The following HOXD11 variants were observed in gnomAD, a reference collection of about 807,000 sequenced individuals.
HOXD11 encodes the protein homeobox protein Hox-D11.
A neutral mutation model predicts 23.1 loss-of-function variants in HOXD11; 16 were observed. That is an observed-to-expected ratio of 0.69 (90% confidence interval 0.47 to 1.05). The LOEUF is 1.05. HOXD11 is among the 50% of genes least tolerant of loss of function. HOXD11 has a pLI of 0.00. For missense variants in HOXD11, 564 were observed against 495.6 expected (o/e 1.14, Z -1.31); for synonymous variants, 262 against 224.4 (o/e 1.17, Z -1.50).
chr2:176,109,163 A>AC lies in HOXD11; in HGVS notation c.*25dup. On this transcript the variant is annotated 3_prime_UTR_variant, in exon 2 of 2. Transcript: ENST00000249504. ...TTTGAGAGCTCCAGGAAGCGCCCTC[A>AC]CCCCAGCCCCACTCACCCACCCTCC... is the stretch of plus-strand genomic sequence containing the variant. 6.7e-7 allele frequency: 1 copy of AC among 1,494,970 alleles called. No individual in the cohort carries two copies. Among genetic ancestry groups the AC allele is most frequent in the Admixed American group, 1.7e-5 (1 of 59,528 alleles). The allele number at this position is 1,494,970 out of a possible 1,614,324, so 92.6% of individuals were successfully genotyped here. A position where few individuals can be genotyped will look rare whatever the true frequency, so the allele number is the denominator to read the frequency against.
In HOXD11 at chr2:176,108,989, C is replaced by G. The variant is rs747958190; in HGVS notation, c.864C>G (p.Asn288Lys). 6.2e-7 allele frequency: 1 copy of G among 1,613,992 alleles called. No homozygotes were observed. The highest frequency in any genetic ancestry group is 8.5e-7 in the Non-Finnish European group (1 of 1,179,868). The change falls in exon 2 of 2, where the codon AAC (asparagine) becomes AAG (lysine). Residue 288 changes from asparagine (N) to lysine (K), a missense_variant. Physicochemically the swap from Asn to Lys is moderately conservative, Grantham distance 94. Coordinates refer to ENST00000249504, the MANE Select transcript of HOXD11 (RefSeq NM_021192.3). ...IRELEREFFF[N>K]VYINKEKRLQ... ...AACTGGAACGCGAGTTTTTCTTTAA[C>G]GTGTACATAAACAAAGAGAAAAGAC...
intron 1 of HOXD11, 149 bp from the exon 2 acceptor site, chr2:176,108,758 C>T: frequency 1.6e-6 from 1 of 613,736 alleles, no homozygotes. Flanking sequence ...TATATCATCC[C>T]CCACGACGCA....
Position 176,108,115 on chromosome 2 carries a change from G to A in HOXD11, c.760G>A (p.Ala254Thr). 1 of 1,436,858 alleles carries A rather than the reference G, an allele frequency of 7.0e-7. No individual in the cohort carries two copies. The highest frequency in any genetic ancestry group is 3.0e-5 in the East Asian group (1 of 33,732). The allele number at this position is 1,436,858 out of a possible 1,614,324, so 89.0% of individuals were successfully genotyped here. A position where few individuals can be genotyped will look rare whatever the true frequency, so the allele number is the denominator to read the frequency against. The change falls in exon 1 of 2, where the codon GCC (alanine) becomes ACC (threonine). Residue 254 changes from alanine to threonine, a missense_variant. Transcript: ENST00000249504. ...DGEGPPGEAG[A>T]EKSSSAVAPQ... The stretch of plus-strand genomic sequence containing the variant: ...CGAGGGCCCCCCGGGAGAGGCGGGG[G>A]CCGAGAAGAGCAGCAGCGCAGGTAG...
At chr2:176,111,826 C>CCAA (rs1689676380), downstream of HOXD11, among the ~76,000 whole-genome samples, 2 of 22,732 alleles carry the variant, frequency 8.8e-5, no homozygotes, top group African/African-American at 1.9e-4. Context: ...CTCCCCCCCG[C>CCAA]AAAAAAAAAA....
chr2:176,112,117 G>A (rs1352535329), downstream of HOXD11, among the ~76,000 whole-genome samples: 1 of 152,178 alleles, frequency 6.6e-6, no homozygotes, highest in African/African-American at 2.4e-5. Context: ...GGCACTCGGG[G>A]GAAACGTTTA....
chr2:176,113,271 T>C (rs2105391270), downstream of HOXD11, among the ~76,000 whole-genome samples: 1 of 152,296 alleles, frequency 6.6e-6, no homozygotes, highest in Middle Eastern at 3.4e-3. Context: ...AGCCCACAGG[T>C]CCACTCAGGC....
chr2:176,111,829 A>AAAAAAAAAAAAAAAT, downstream of HOXD11, among the ~76,000 whole-genome samples: 1 of 139,336 alleles, frequency 7.2e-6, no homozygotes, highest in African/African-American at 2.8e-5. Flanking sequence ...CCCCCCGCAA[A>AAAAAAAAAAAAAAAT]AAAAAAAAAA....
At position 176,107,783 on chromosome 2, in the gene HOXD11, C is replaced by A; in HGVS notation, c.428C>A (p.Ala143Glu). 7.5e-7 allele frequency: 1 copy of A among 1,331,434 alleles called. No individual in the cohort carries two copies. The highest frequency in any genetic ancestry group is 9.6e-7 in the Non-Finnish European group (1 of 1,042,780). The allele number at this position is 1,331,434 out of a possible 1,614,324, so 82.5% of individuals were successfully genotyped here. A position where few individuals can be genotyped will look rare whatever the true frequency, so the allele number is the denominator to read the frequency against. Reference protein sequence around the residue: ...AGRRPDVLFKAPEPVCAAPGP... With the variant: ...AGRRPDVLFKEPEPVCAAPGP... ...CGCCGGCCGGACGTGCTCTTCAAGG[C>A]GCCTGAGCCGGTGTGCGCTGCGCCG... is the stretch of plus-strand genomic sequence containing the variant. Residue 143 changes from alanine to glutamate, a missense_variant, in exon 1 of 2, where the codon GCG (alanine) becomes GAG (glutamate). Physicochemically the swap from Ala to Glu is moderately radical, Grantham distance 107 (BLOSUM62 -1). Coordinates refer to ENST00000249504, the MANE Select transcript of HOXD11 (RefSeq NM_021192.3).
At chr2:176,110,959 C>T (rs1332029040), downstream of HOXD11, among the ~76,000 whole-genome samples, 1 of 152,102 alleles carries the variant, frequency 6.6e-6, no homozygotes, top group African/African-American at 2.4e-5. Flanking sequence ...AATAGTGGTC[C>T]CCTTTGCTTT....
In HOXD11 at chr2:176,107,877, G is replaced by T. The variant is rs1689606212; in HGVS notation, c.522G>T (p.Leu174Phe). Residue 174 changes from leucine (L) to phenylalanine (F), a missense_variant, in exon 1 of 2, where the codon TTG becomes TTT. Transcript: ENST00000249504. Reference protein sequence around the residue: ...FYSAVGRNGILPQGFDQFYEA... With the variant: ...FYSAVGRNGIFPQGFDQFYEA... ...GCGCGGTGGGCCGCAATGGCATCTT[G>T]CCACAGGGCTTCGACCAGTTCTACG... 1 of 1,454,704 alleles carries T rather than the reference G, an allele frequency of 6.9e-7. No individual in the cohort carries two copies. Among genetic ancestry groups the T allele is most frequent in the East Asian group, 3.1e-5 (1 of 31,958 alleles). 90.1% of individuals were successfully genotyped at this position (1,454,704 alleles called of 1,614,324 possible).
downstream of HOXD11, among the ~76,000 whole-genome samples, chr2:176,113,933 C>T (rs1257419024): frequency 6.6e-6 from 1 of 152,296 alleles, no homozygotes; most frequent in East Asian, 1.9e-4. Flanking sequence ...CACTGCAGAC[C>T]TACCCGCCCG....
rs1311155226 is a variant in HOXD11 at position 176,107,828 on chromosome 2, C to G, written c.473C>G (p.Ala158Gly). The G allele has an allele frequency of 3.5e-6, 5 of 1,425,466 alleles. No individual in the cohort carries two copies. The highest frequency in any genetic ancestry group is 4.6e-6 in the Non-Finnish European group (5 of 1,086,978). 88.3% of individuals were successfully genotyped at this position (1,425,466 alleles called of 1,614,324 possible). Residue 158 changes from alanine to glycine, a missense_variant, in exon 1 of 2, where the codon GCG becomes GGG. Transcript: ENST00000249504. ...CAAPGPPHGP[A>G]GAASNFYSAV... ...GCGCCGGGGCCGCCGCACGGCCCCG[C>G]GGGCGCCGCCTCCAACTTCTACAGC... is the stretch of plus-strand genomic sequence containing the variant.
rs1689602658 is a variant in HOXD11, at chr2:176,107,721, G to A, written c.366G>A (p.Glu122=). The change falls in exon 1 of 2, where the codon GAG becomes GAA. Residue 122 remains glutamate, a synonymous_variant. Coordinates refer to ENST00000249504, the MANE Select transcript of HOXD11 (RefSeq NM_021192.3). The part of the protein sequence containing the change: ...AAAAAAAAAE[E]AAMQRELLPP... ...CTGCGGCGGCCGCGGCGGCCGAGGA[G>A]GCGGCCATGCAACGCGAGCTTCTCC... 1 of 1,143,000 alleles carries A rather than the reference G, an allele frequency of 8.7e-7. No homozygotes were observed. Among genetic ancestry groups the A allele is most frequent in the African/African-American group, 1.6e-5 (1 of 60,660 alleles). 70.8% of individuals were successfully genotyped at this position (1,143,000 alleles called of 1,614,324 possible).
chr2:176,109,184 C>A lies in HOXD11; in HGVS notation c.*42C>A, dbSNP rs982481186. 1.6e-6 allele frequency: 2 copies of A among 1,217,366 alleles called. No individual in the cohort carries two copies. The highest frequency in any genetic ancestry group is 2.4e-6 in the Non-Finnish European group (2 of 821,892). The allele number at this position is 1,217,366 out of a possible 1,614,324, so 75.4% of individuals were successfully genotyped here. On this transcript the variant is annotated 3_prime_UTR_variant, in exon 2 of 2. Transcript: ENST00000249504. ...CCTCACCCCAGCCCCACTCACCCAC[C>A]CTCCTTCCCACCAGCCTGCTCTCCG...
downstream of HOXD11, among the ~76,000 whole-genome samples, chr2:176,112,218 C>G (rs1293969099): frequency 6.6e-6 from 1 of 152,226 alleles, no homozygotes; most frequent in South Asian, 2.1e-4. Context: ...AGCTGCACGC[C>G]GGTCTTGAGC....
rs142296120 is a variant in HOXD11, at chr2:176,108,929, A to G, written c.804A>G (p.Lys268=). The G allele has an allele frequency of 5.6e-5, 91 of 1,613,778 alleles. No individual in the cohort carries two copies. The African/African-American group carries it at 1.1e-3, about 19-fold the overall frequency. Residue 268 remains lysine, a synonymous_variant, in exon 2 of 2, where the codon AAA becomes AAG. Transcript: ENST00000249504. ...CAGTTGCCCCCCAGCGGTCCCGGAA[A>G]AAGCGCTGTCCCTATACCAAGTACC... ...SSAVAPQRSR[K]KRCPYTKYQI...
chr2:176,115,011 C>T, the HOXD11 span, among the ~76,000 whole-genome samples: 1 of 152,274 alleles, frequency 6.6e-6, no homozygotes, highest in Non-Finnish European at 1.5e-5. Flanking sequence ...CTTTGGAAAT[C>T]AAGGTTAAAG....
At position 176,107,644 on chromosome 2, in the gene HOXD11, G is replaced by T; in HGVS notation, c.289G>T (p.Gly97Cys). Residue 97 changes from glycine to cysteine, a missense_variant, in exon 1 of 2, where the codon GGC becomes TGC. Physicochemically the swap from Gly to Cys is radical, Grantham distance 159. Transcript: ENST00000249504. ...CAGCGGGGGCGGCCCCGGCGGGGGC[G>T]GCGGCGGCGCGGGGGGCTACGCTCC... ...GSSGGGPGGG[G>C]GGAGGYAPYY... 1 of 977,600 alleles carries T rather than the reference G, an allele frequency of 1.0e-6. No individual in the cohort carries two copies. Among genetic ancestry groups the T allele is most frequent in the Non-Finnish European group, 1.2e-6 (1 of 824,654 alleles). The allele number at this position is 977,600 out of a possible 1,614,324, so 60.6% of individuals were successfully genotyped here.
In HOXD11 at chr2:176,107,790, G is replaced by A. The variant is rs1295006788; in HGVS notation, c.435G>A (p.Glu145=). ...RRPDVLFKAP[E]PVCAAPGPPH... is the part of the protein sequence containing the mutation. ...CGGACGTGCTCTTCAAGGCGCCTGA[G>A]CCGGTGTGCGCTGCGCCGGGGCCGC... is the stretch of plus-strand genomic sequence containing the variant. The change falls in exon 1 of 2, where the codon GAG becomes GAA. Residue 145 remains glutamate, a synonymous_variant. Transcript: ENST00000249504. 7.4e-7 allele frequency: 1 copy of A among 1,348,498 alleles called. No individual in the cohort carries two copies. The highest frequency in any genetic ancestry group is 1.7e-5 in the South Asian group (1 of 57,828). The allele number at this position is 1,348,498 out of a possible 1,614,324, so 83.5% of individuals were successfully genotyped here. A position where few individuals can be genotyped will look rare whatever the true frequency, so the allele number is the denominator to read the frequency against.
Sources: allele counts gnomAD v4.1 joint callset (sites outside exome capture counted in the v4.1 genomes callset), GRCh38; gene constraint gnomAD v4.1.1; transcripts MANE v1.5; gene names NCBI Gene and HGNC (gene_info 2026-07-23, HGNC 2026-07-21).